Variants in PCM1 observed in about 807,000 individuals in gnomAD.
The protein encoded by PCM1 is pericentriolar material 1 protein.
A neutral mutation model predicts 241.9 loss-of-function variants in PCM1; 157 were observed. That is an observed-to-expected ratio of 0.65 (90% CI 0.57 to 0.74). PCM1 has a LOEUF of 0.74. Ranked by LOEUF, PCM1 falls within the 30% of genes least tolerant of loss-of-function variation. The probability of loss-of-function intolerance (pLI) is 0.00; values close to 1 mark genes in which losing one functional copy is unlikely to be tolerated. For missense variants in PCM1, 3,478 were observed against 2,360.1 expected (o/e 1.47, Z -9.81); for synonymous variants, 1,085 against 784.9 (o/e 1.38, Z -6.39).
At chr8:17,970,201 C>T (rs1252536478) in intron 22 of PCM1, among the ~76,000 whole-genome samples, 2 of 152,008 alleles carry the variant, frequency 1.3e-5, no homozygotes, top group African/African-American at 4.8e-5. Context: ...TTTGAGGATG[C>T]ATGGTATTAA....
In PCM1 at chr8:18,009,577, C is replaced by G; in HGVS notation, c.4993C>G (p.Leu1665Val). The stretch of plus-strand genomic sequence containing the variant: ...ACTGGCAAAATTTGCTGGCAGAAAA[C>G]TGAAAGACTGTGGAGAAGATCTTCT... ...DSLAKFAGRK[L>V]KDCGEDLLVE... Residue 1665 changes from leucine (L) to valine (V), a missense_variant, in exon 31 of 39, where the codon CTG (leucine) becomes GTG (valine). Coordinates refer to ENST00000325083, the MANE Select transcript of PCM1 (RefSeq NM_006197.4). 2 of 1,601,756 alleles carry G rather than the reference C, an allele frequency of 1.2e-6. No homozygotes were observed. The highest frequency in any genetic ancestry group is 1.7e-6 in the Non-Finnish European group (2 of 1,173,532).
At chr8:17,942,368 GAGGCA>G (rs991799043) in intron 6 of PCM1, among the ~76,000 whole-genome samples, 2 of 152,084 alleles carry the variant, frequency 1.3e-5, no homozygotes, top group African/African-American at 4.8e-5. Flanking sequence ...TCAGGAGGCT[GAGGCA>G]GGAGAATCGC....
rs1467785894 is a variant in PCM1, at chr8:17,923,136, G to C, written c.-143G>C. On this transcript the variant is annotated 5_prime_UTR_variant, in exon 1 of 39. Coordinates refer to ENST00000325083, the MANE Select transcript of PCM1 (RefSeq NM_006197.4). ...GGCCGACCGCTGCCGGCGGCGGGTC[G>C]TGGGGGCTGACTGTCGCTCTGCCTT... 6.6e-6 allele frequency: 1 copy of C among 152,552 alleles called. No individual in the cohort carries two copies. Among genetic ancestry groups the C allele is most frequent in the African/African-American group, 2.4e-5 (1 of 41,470 alleles). The allele number at this position is 152,552 out of a possible 1,614,324, so 9.4% of individuals were successfully genotyped here. A position where few individuals can be genotyped will look rare whatever the true frequency, so the allele number is the denominator to read the frequency against.
chr8:17,979,637 C>G (rs1464621149), intron 23 of PCM1, among the ~76,000 whole-genome samples: 1 of 152,030 alleles, frequency 6.6e-6, no homozygotes, highest in Non-Finnish European at 1.5e-5. Flanking sequence ...TGAAGAACAT[C>G]AGAAAGATTG....
intron 2 of PCM1, among the ~76,000 whole-genome samples, chr8:17,931,118 A>G (rs2058887100): frequency 6.6e-6 from 1 of 152,210 alleles, no homozygotes. Flanking sequence ...TAAAAAAATC[A>G]TCTGTTTTTC....
At chr8:17,967,582 A>G (rs1480446997) in intron 21 of PCM1, among the ~76,000 whole-genome samples, 2 of 152,204 alleles carry the variant, frequency 1.3e-5, no homozygotes, top group Non-Finnish European at 2.9e-5. Flanking sequence ...TGCTGGGATT[A>G]CAGGCATGAG....
At position 18,013,992 on chromosome 8, in the gene PCM1, C is replaced by A; in HGVS notation, c.5540C>A (p.Ala1847Glu). 6.2e-7 allele frequency: 1 copy of A among 1,601,402 alleles called. No homozygotes were observed. The highest frequency in any genetic ancestry group is 8.5e-7 in the Non-Finnish European group (1 of 1,174,568). ...QVLQRDFKKTAESKNVPLERE... is the reference protein window; with the variant it reads ...QVLQRDFKKTEESKNVPLERE... ...CTACAACGTGACTTTAAAAAGACAG[C>A]AGAAAGCAAAAATGTCCCATTGGAA... The change falls in exon 35 of 39, where the codon GCA (alanine) becomes GAA (glutamate). Residue 1847 changes from alanine to glutamate, a missense_variant. Ala to Glu is a moderately radical substitution (Grantham distance 107, BLOSUM62 -1). Transcript: ENST00000325083.
At chr8:17,957,824 C>A in intron 13 of PCM1, 49 bp downstream of exon 13, 1 of 1,242,296 alleles carries the variant, frequency 8.0e-7, no homozygotes, top group South Asian at 1.3e-5. Context: ...ATAGTACAGT[C>A]TTAAGTAAAA....
At chr8:17,992,984 G>GGGTATTAGTCCTTTGTCA (rs1029510765) in intron 28 of PCM1, among the ~76,000 whole-genome samples, 3 of 139,740 alleles carry the variant, frequency 2.1e-5, no homozygotes. Flanking sequence ...TGTAGATTCT[G>GGGTATTAGTCCTTTGTCA]GGTATTAGTC....
At chr8:17,992,578 G>A (rs897616186) in intron 28 of PCM1, among the ~76,000 whole-genome samples, 3 of 150,300 alleles carry the variant, frequency 2.0e-5, no homozygotes, top group Non-Finnish European at 3.0e-5. Context: ...CTTTTGAGAG[G>A]AGTTGTCTAT....
chr8:17,960,251 G>C (rs1458363174), intron 14 of PCM1, 64 bp from the exon 15 acceptor site: 3 of 1,561,684 alleles, frequency 1.9e-6, no homozygotes, highest in African/African-American at 1.4e-5. Context: ...ACTGTGTTAT[G>C]TTGTGCCTAA....
chr8:17,947,737 G>C (rs1179032706), intron 7 of PCM1, among the ~76,000 whole-genome samples: 1 of 152,100 alleles, frequency 6.6e-6, no homozygotes, highest in Non-Finnish European at 1.5e-5. Context: ...TCCCAAGAAA[G>C]GGTTAAAACC....
intron 21 of PCM1, among the ~76,000 whole-genome samples, chr8:17,967,466 G>C (rs962514654): frequency 2.0e-5 from 3 of 151,990 alleles, no homozygotes; most frequent in African/African-American, 7.2e-5. Context: ...GTGCCACCGT[G>C]CCCAGCTAAT....
At chr8:17,975,900 A>C (rs1285837671) in intron 23 of PCM1, among the ~76,000 whole-genome samples, 1 of 152,132 alleles carries the variant, frequency 6.6e-6, no homozygotes, top group Non-Finnish European at 1.5e-5. Context: ...TTATGAGTTG[A>C]AGGTGATTTC....
chr8:17,968,580 G>T (rs1226558534), intron 21 of PCM1, among the ~76,000 whole-genome samples: 1 of 151,972 alleles, frequency 6.6e-6, no homozygotes, highest in Non-Finnish European at 1.5e-5. Context: ...GGAGTTAAAG[G>T]TGTTGGCAGG....
intron 5 of PCM1, 135 bp downstream of exon 5, chr8:17,939,144 A>G: frequency 1.4e-6 from 1 of 730,562 alleles, no homozygotes; most frequent in South Asian, 2.1e-5. Flanking sequence ...CTCCTTTGTT[A>G]ATCTGCCAGA....
At chr8:17,984,027 A>T (rs2081817881) in intron 24 of PCM1, among the ~76,000 whole-genome samples, 1 of 152,136 alleles carries the variant, frequency 6.6e-6, no homozygotes, top group African/African-American at 2.4e-5. Flanking sequence ...TTTCCAGCCA[A>T]AGCTAATAAA....
At position 18,002,000 on chromosome 8, in the gene PCM1, T is replaced by C. The variant is rs1277760871; in HGVS notation, c.4828-4263T>C. ...TGCCGCTGCTTCTAACCTTTCTTTT[T>C]TTTTTTTTTTTTTTTTTTTTTTTTT... On this transcript the variant is annotated intron_variant, in intron 29 of 38. Transcript: ENST00000325083. Among the ~76,000 whole-genome samples the C allele has an allele frequency of 4.5e-4, 3 of 6,706 alleles. No individual in the cohort carries two copies. In the East Asian group the frequency reaches 0.021, roughly 47 times the overall value. 4.4% of individuals were successfully genotyped at this position (6,706 alleles called of 152,430 possible).
rs766777004 is a variant in PCM1, at chr8:17,960,125, A to T, written c.2152A>T (p.Asn718Tyr). 1 of 1,594,608 alleles carries T rather than the reference A, an allele frequency of 6.3e-7. No homozygotes were observed. Among genetic ancestry groups the T allele is most frequent in the Non-Finnish European group, 8.6e-7 (1 of 1,169,202 alleles). ...TTCAAATAACACTAGAGGAAATGCC[A>T]ATAAAACACAGAAAGATACTGGAGT... The part of the protein sequence containing the change: ...QNSNNTRGNA[N>Y]KTQKDTGVNE... Residue 718 changes from asparagine to tyrosine, a missense_variant, in exon 14 of 39, where the codon AAT becomes TAT. Asn to Tyr is a moderately radical substitution (Grantham distance 143, BLOSUM62 -2). Coordinates refer to ENST00000325083, the MANE Select transcript of PCM1 (RefSeq NM_006197.4).
Sources: allele counts gnomAD v4.1 joint callset (sites outside exome capture counted in the v4.1 genomes callset), GRCh38; gene constraint gnomAD v4.1.1; transcripts MANE v1.5; gene names NCBI Gene and HGNC (gene_info 2026-07-23, HGNC 2026-07-21).